DPM3: variants seen among roughly 807,000 people sequenced by gnomAD.
The protein encoded by DPM3 is dolichol-phosphate mannosyltransferase subunit 3.
In DPM3, 7 loss-of-function variants were observed where a neutral mutation model predicts 8.9. The observed-to-expected ratio is 0.79, with a 90% CI of 0.45 to 1.48. The LOEUF is 1.48. Ranked by LOEUF, DPM3 falls within the 40% of genes most tolerant of loss-of-function variation. The pLI, the probability that DPM3 is intolerant of heterozygous loss-of-function variation, is 0.01. For synonymous variants in DPM3, 41 were observed against 56.3 expected (o/e 0.73, Z 1.22); for missense variants, 108 against 116.2 (o/e 0.93, Z 0.33).
Position 155,139,931 on chromosome 1 carries a change from G to A in DPM3, c.*31C>T, listed in dbSNP as rs1336307335. The A allele has an allele frequency of 7.6e-6, 12 of 1,575,108 alleles. No individual in the cohort carries two copies. ...GCTCTTTAATGGGAAATGGGAGGAA[G>A]GGCTGTCCGCACAGGAATGGGGTTA... On this transcript the variant is annotated 3_prime_UTR_variant, in exon 2 of 2. Transcript: ENST00000368400.
chr1:155,140,156 C>G lies in DPM3; in HGVS notation c.85G>C (p.Glu29Gln). The G allele has an allele frequency of 6.2e-7, 1 of 1,614,174 alleles. No homozygotes were observed. The highest frequency in any genetic ancestry group is 8.5e-7 in the Non-Finnish European group (1 of 1,180,040). Residue 29 changes from glutamate (E) to glutamine (Q), a missense_variant, in exon 2 of 2, where the codon GAG becomes CAG. Coordinates refer to ENST00000368400, the MANE Select transcript of DPM3 (RefSeq NM_153741.2). ...ACTTCCTGGCAGGACAAGGGCAGCT[C>G]CAGGCCCAAGGCTCCCGTGGTCAGG... ...VALTTGALGL[E>Q]LPLSCQEVLW...
Position 155,140,159 on chromosome 1 carries a change from G to A in DPM3, c.82C>T (p.Leu28=). Residue 28 remains leucine (L), a synonymous_variant, in exon 2 of 2, where the codon CTG becomes TTG. Coordinates refer to ENST00000368400, the MANE Select transcript of DPM3 (RefSeq NM_153741.2). ...WVALTTGALG[L]ELPLSCQEVL... is the part of the protein sequence containing the mutation. ...TCCTGGCAGGACAAGGGCAGCTCCA[G>A]GCCCAAGGCTCCCGTGGTCAGGGCC... The A allele has an allele frequency of 6.2e-7, 1 of 1,614,208 alleles. No homozygotes were observed. The highest frequency in any genetic ancestry group is 8.5e-7 in the Non-Finnish European group (1 of 1,180,044).
At position 155,140,209 on chromosome 1, in the gene DPM3, A is replaced by T. The variant is rs1664704826; in HGVS notation, c.32T>A (p.Leu11Gln). The change falls in exon 2 of 2, where the codon CTA (leucine) becomes CAA (glutamine). Residue 11 changes from leucine to glutamine, a missense_variant. Leu to Gln is a moderately radical substitution (Grantham distance 113). Transcript: ENST00000368400. ...CACCCAGGTGGAGCCCAGGATCGCT[A>T]GTCCCCAAAGCCACTGCGCTAATTT... MTKLAQWLWG[L>Q]AILGSTWVAL... The T allele has an allele frequency of 6.2e-7, 1 of 1,614,054 alleles. No homozygotes were observed. Among genetic ancestry groups the T allele is most frequent in the Admixed American group, 1.7e-5 (1 of 60,004 alleles).
At position 155,139,980 on chromosome 1, in the gene DPM3, G is replaced by A; in HGVS notation, c.261C>T (p.Arg87=). The change falls in exon 2 of 2, where the codon CGC becomes CGT. Residue 87 remains arginine (R), a synonymous_variant. Coordinates refer to ENST00000368400, the MANE Select transcript of DPM3 (RefSeq NM_153741.2). ...TAGGCTGTCAGAAGCGCAGCCCCCT[G>A]CGGGCTAAGTCGGCTCGGGCCTCCT... ...QIQEARADLA[R]RGLRF 1.9e-6 allele frequency: 3 copies of A among 1,611,540 alleles called. No homozygotes were observed. Among genetic ancestry groups the A allele is most frequent in the Non-Finnish European group, 2.5e-6 (3 of 1,178,336 alleles).
chr1:155,140,510 T>G lies in DPM3; in HGVS notation c.-25A>C. 19 of 619,032 alleles carry G rather than the reference T, an allele frequency of 3.1e-5. No individual in the cohort carries two copies. The highest frequency in any genetic ancestry group is 5.7e-5 in the East Asian group (2 of 34,908). 38.3% of individuals were successfully genotyped at this position (619,032 alleles called of 1,614,324 possible). A position where few individuals can be genotyped will look rare whatever the true frequency, so the allele number is the denominator to read the frequency against. On this transcript the variant is annotated 5_prime_UTR_variant, in exon 1 of 2. Transcript: ENST00000368400. ...ACTTACCTCTACCCCACGTCTCCCC[T>G]TCCCCGCGCGGCCCGGATGTTGGCG...
chr1:155,140,344 G>C lies in DPM3; in HGVS notation c.-5-99C>G, dbSNP rs749344531. ...CACGGAGAGCATTAAAACCAGCCCT[G>C]GCCAGAGGGGAATCGCCGATCCCAG... On this transcript the variant is annotated intron_variant, in intron 1 of 1. Coordinates refer to ENST00000368400, the MANE Select transcript of DPM3 (RefSeq NM_153741.2). The C allele has an allele frequency of 3.0e-6, 4 of 1,319,888 alleles. 1 individual carries two copies. The South Asian group carries it at 5.0e-5, about 16-fold the overall frequency. The allele number at this position is 1,319,888 out of a possible 1,614,324, so 81.8% of individuals were successfully genotyped here.
At chr1:155,140,455 C>G (rs1209699364) in intron 1 of DPM3, 36 bp downstream of exon 1, 2 of 710,800 alleles carry the variant, frequency 2.8e-6, no homozygotes, top group Non-Finnish European at 5.2e-6. Context: ...CTCCCCATCT[C>G]TCGCCCTCCC....
intron 1 of DPM3, 102 bp from the exon 2 acceptor site, chr1:155,140,347 C>G (rs769012553): frequency 7.6e-7 from 1 of 1,309,418 alleles, no homozygotes; most frequent in Non-Finnish European, 1.1e-6. Context: ...CAGCCCTGGC[C>G]AGAGGGGAAT....
chr1:155,140,051 A>C lies in DPM3; in HGVS notation c.190T>G (p.Phe64Val), dbSNP rs1209427759. ...LGTVGYRVAT[F>V]HDCEDAAREL... ...CGTGCGGCGTCCTCGCAGTCATGAA[A>C]AGTGGCCACACGATAGCCCACAGTG... Residue 64 changes from phenylalanine (F) to valine (V), a missense_variant, in exon 2 of 2, where the codon TTT becomes GTT. Phe to Val is a conservative substitution (Grantham distance 50). Coordinates refer to ENST00000368400, the MANE Select transcript of DPM3 (RefSeq NM_153741.2). 1 of 1,613,942 alleles carries C rather than the reference A, an allele frequency of 6.2e-7. No homozygotes were observed. Among genetic ancestry groups the C allele is most frequent in the African/African-American group, 1.3e-5 (1 of 74,926 alleles).
Position 155,139,945 on chromosome 1 carries a change from G to A in DPM3, c.*17C>T, listed in dbSNP as rs760608219. 1 of 1,594,304 alleles carries A rather than the reference G, an allele frequency of 6.3e-7. No individual in the cohort carries two copies. The highest frequency in any genetic ancestry group is 8.6e-7 in the Non-Finnish European group (1 of 1,168,234). On this transcript the variant is annotated 3_prime_UTR_variant, in exon 2 of 2. Coordinates refer to ENST00000368400, the MANE Select transcript of DPM3 (RefSeq NM_153741.2). ...AATGGGAGGAAGGGCTGTCCGCACA[G>A]GAATGGGGTTAGGCTGTCAGAAGCG... is the stretch of plus-strand genomic sequence containing the variant.
intron 1 of DPM3, 68 bp from the exon 2 acceptor site, chr1:155,140,313 C>T (rs766156566): frequency 1.9e-6 from 3 of 1,547,904 alleles, no homozygotes; most frequent in South Asian, 1.1e-5. Context: ...TCAACCGAAG[C>T]CCGCCCACGG....
chr1:155,139,915 T>C lies in DPM3; in HGVS notation c.*47A>G. ...GTTAGAAAATAAACTGGCTCTTTAA[T>C]GGGAAATGGGAGGAAGGGCTGTCCG... On this transcript the variant is annotated 3_prime_UTR_variant, in exon 2 of 2. Coordinates refer to ENST00000368400, the MANE Select transcript of DPM3 (RefSeq NM_153741.2). The C allele has an allele frequency of 6.5e-7, 1 of 1,550,034 alleles. No homozygotes were observed. The highest frequency in any genetic ancestry group is 1.2e-5 in the South Asian group (1 of 82,964).
chr1:155,140,246 C>T lies in DPM3; in HGVS notation c.-5-1G>A. ...CACTGCGCTAATTTCGTCATGGTCA[C>T]TGCGAGAGAAGGAAGCAATGCTCCC... On this transcript the variant is annotated splice_acceptor_variant, in intron 1 of 1. Transcript: ENST00000368400. LOFTEE classifies it low-confidence loss of function (5UTR_SPLICE). 1 of 1,613,998 alleles carries T rather than the reference C, an allele frequency of 6.2e-7. No individual in the cohort carries two copies. Among genetic ancestry groups the T allele is most frequent in the Non-Finnish European group, 8.5e-7 (1 of 1,180,004 alleles).
chr1:155,140,322 G>T (rs1473431857), intron 1 of DPM3, 77 bp from the exon 2 acceptor site: 1 of 1,510,512 alleles, frequency 6.6e-7, no homozygotes, highest in Non-Finnish European at 9.1e-7. Flanking sequence ...GCCCGCCCAC[G>T]GAGAGCATTA....
chr1:155,140,529 G>A lies in DPM3; in HGVS notation c.-44C>T, dbSNP rs556862543. The A allele has an allele frequency of 1.6e-6, 1 of 614,960 alleles. No individual in the cohort carries two copies. The highest frequency in any genetic ancestry group is 1.8e-5 in the African/African-American group (1 of 54,256). 38.1% of individuals were successfully genotyped at this position (614,960 alleles called of 1,614,324 possible). On this transcript the variant is annotated 5_prime_UTR_variant, in exon 1 of 2. Coordinates refer to ENST00000368400, the MANE Select transcript of DPM3 (RefSeq NM_153741.2). Reference sequence around the variant, plus strand: ...CTCCCCTTCCCCGCGCGGCCCGGATGTTGGCGTCCGGAAGTCCTCCCTGGT... The same window carrying A: ...CTCCCCTTCCCCGCGCGGCCCGGATATTGGCGTCCGGAAGTCCTCCCTGGT...
Position 155,139,984 on chromosome 1 carries a change from G to A in DPM3, c.257C>T (p.Ala86Val), listed in dbSNP as rs752119871. The change falls in exon 2 of 2, where the codon GCC becomes GTC. Residue 86 changes from alanine to valine, a missense_variant. Physicochemically the swap from Ala to Val is moderately conservative, Grantham distance 64. Coordinates refer to ENST00000368400, the MANE Select transcript of DPM3 (RefSeq NM_153741.2). ...SQIQEARADL[A>V]RRGLRF is the part of the protein sequence containing the mutation. The stretch of plus-strand genomic sequence containing the variant: ...CTGTCAGAAGCGCAGCCCCCTGCGG[G>A]CTAAGTCGGCTCGGGCCTCCTGTAT... The A allele has an allele frequency of 1.9e-6, 3 of 1,612,826 alleles. No individual in the cohort carries two copies. The highest frequency in any genetic ancestry group is 2.2e-5 in the South Asian group (2 of 91,014).
At chr1:155,140,360 C>G (rs779141404) in intron 1 of DPM3, 115 bp from the exon 2 acceptor site, 1 of 1,153,190 alleles carries the variant, frequency 8.7e-7, no homozygotes, top group Non-Finnish European at 1.3e-6. Flanking sequence ...AGGGGAATCG[C>G]CGATCCCAGA....
rs913390061 is a variant in DPM3 at position 155,139,904 on chromosome 1, T to C, written c.*58A>G. The C allele has an allele frequency of 6.5e-7, 1 of 1,534,586 alleles. No individual in the cohort carries two copies. The highest frequency in any genetic ancestry group is 8.7e-7 in the Non-Finnish European group (1 of 1,143,004). On this transcript the variant is annotated 3_prime_UTR_variant, in exon 2 of 2. Transcript: ENST00000368400. ...AACTAAACGAAGTTAGAAAATAAAC[T>C]GGCTCTTTAATGGGAAATGGGAGGA...
In DPM3 at chr1:155,139,940, G is replaced by T; in HGVS notation, c.*22C>A. On this transcript the variant is annotated 3_prime_UTR_variant, in exon 2 of 2. Transcript: ENST00000368400. ...TGGGAAATGGGAGGAAGGGCTGTCC[G>T]CACAGGAATGGGGTTAGGCTGTCAG... The T allele has an allele frequency of 6.3e-7, 1 of 1,582,026 alleles. No individual in the cohort carries two copies. Among genetic ancestry groups the T allele is most frequent in the Non-Finnish European group, 8.6e-7 (1 of 1,162,510 alleles).
Sources: allele counts gnomAD v4.1 joint callset, GRCh38; gene constraint gnomAD v4.1.1; transcripts MANE v1.5; gene names NCBI Gene and HGNC (gene_info 2026-07-23, HGNC 2026-07-21).